THSD7B: variants seen among roughly 807,000 people sequenced by gnomAD.
THSD7B encodes thrombospondin type 1 domain containing 7B.
Under a neutral mutation model 213.6 loss-of-function variants are expected in THSD7B, and 138 were observed. The observed-to-expected ratio is 0.65, with a 90% CI of 0.56 to 0.74. The LOEUF is 0.74. Among genes scored for constraint, THSD7B ranks in the 30% least tolerant of loss-of-function variants. THSD7B has a pLI of 0.00. For synonymous variants in THSD7B, 742 were observed against 687.0 expected (o/e 1.08, Z -1.25); for missense variants, 1,931 against 1,991.5 (o/e 0.97, Z 0.58).
At chr2:136,840,507 G>A (rs371085781) in intron 1 of THSD7B, among the ~76,000 whole-genome samples, 104 of 152,296 alleles carry the variant, frequency 6.8e-4, no homozygotes, top group African/African-American at 2.5e-3. Flanking sequence ...CAGAAGAGGA[G>A]CAGCACAAGC....
At chr2:137,087,208 T>A (rs1413315126) in intron 3 of THSD7B, among the ~76,000 whole-genome samples, 10 of 152,182 alleles carry the variant, frequency 6.6e-5, no homozygotes, top group Admixed American at 6.5e-4. Flanking sequence ...CAATAGTATG[T>A]GCTATCTGTA....
intron 15 of THSD7B, among the ~76,000 whole-genome samples, chr2:137,482,366 C>G (rs1227578881): frequency 1.3e-5 from 2 of 152,176 alleles, no homozygotes; most frequent in East Asian, 3.9e-4. Flanking sequence ...TTTCTGGAAA[C>G]ACAGGATTAA....
rs1025083384 is a variant in THSD7B at position 137,581,779 on chromosome 2, A to T, written c.3423+9223A>T. On this transcript the variant is annotated intron_variant, in intron 17 of 27. Coordinates refer to ENST00000409968, the MANE Select transcript of THSD7B (RefSeq NM_001316349.2). ...CGTCTCAAAAAAAAAAATAAAAAAAAAAAAAATAATAATAAATAATAATAA... is the reference window on the plus strand; with the variant it reads ...CGTCTCAAAAAAAAAAATAAAAAAATAAAAAATAATAATAAATAATAATAA... Among the ~76,000 whole-genome samples, 231 of 148,306 alleles carry T rather than the reference A, an allele frequency of 1.6e-3. 1 individual carries two copies. The highest frequency in any genetic ancestry group is 5.1e-3 in the African/African-American group (203 of 40,094).
chr2:137,183,906 A>G (rs951372133), intron 7 of THSD7B, among the ~76,000 whole-genome samples: 1 of 152,196 alleles, frequency 6.6e-6, no homozygotes. Context: ...TCATACAATA[A>G]GGATGAAAAA....
At chr2:136,830,945 C>G (rs1181970575) in intron 1 of THSD7B, among the ~76,000 whole-genome samples, 1 of 152,114 alleles carries the variant, frequency 6.6e-6, no homozygotes, top group Non-Finnish European at 1.5e-5. Context: ...GAAAAGGAAG[C>G]AGTCATACTG....
intron 2 of THSD7B, among the ~76,000 whole-genome samples, chr2:137,042,398 C>T (rs1347394012): frequency 4.6e-4 from 70 of 152,188 alleles, no homozygotes; most frequent in Admixed American, 4.6e-3. Context: ...ATTTCTCTCT[C>T]TCTCTTTTTT....
At chr2:137,470,255 C>T (rs1278701652) in intron 15 of THSD7B, among the ~76,000 whole-genome samples, 1 of 152,192 alleles carries the variant, frequency 6.6e-6, no homozygotes, top group Non-Finnish European at 1.5e-5. Flanking sequence ...TTAATTACAA[C>T]AATTTTCACC....
At chr2:137,406,701 C>T (rs1686527474) in intron 13 of THSD7B, among the ~76,000 whole-genome samples, 1 of 152,198 alleles carries the variant, frequency 6.6e-6, no homozygotes, top group Non-Finnish European at 1.5e-5. Flanking sequence ...TTTAAGTAAT[C>T]TGCTAGAGGC....
At chr2:137,411,029 AC>A (rs1417242153) in intron 13 of THSD7B, among the ~76,000 whole-genome samples, 1 of 152,244 alleles carries the variant, frequency 6.6e-6, no homozygotes, top group Admixed American at 6.5e-5. Flanking sequence ...ATTTCAGAAT[AC>A]TTAAGTTAGA....
intron 15 of THSD7B, among the ~76,000 whole-genome samples, chr2:137,453,373 A>G (rs1429283578): frequency 9.0e-5 from 10 of 111,662 alleles, no homozygotes; most frequent in African/African-American, 3.2e-4. Context: ...TCTGTCTCCC[A>G]GGCCGGAGTG....
At chr2:136,834,382 G>T (rs778191) in intron 1 of THSD7B, among the ~76,000 whole-genome samples, 122,826 of 152,122 alleles carry the variant, frequency 0.81, 50,147 homozygotes, top group Non-Finnish European at 0.86. Flanking sequence ...TGCTGTAATA[G>T]AAAATTAGTG....
At position 137,435,867 on chromosome 2, in the gene THSD7B, G is replaced by A. The variant is rs150722837; in HGVS notation, c.2960-14978G>A. Among the ~76,000 whole-genome samples, 649 of 152,224 alleles carry A rather than the reference G, an allele frequency of 4.3e-3. 6 individuals are homozygous for A. Among genetic ancestry groups the A allele is most frequent in the African/African-American group, 0.015 (610 of 41,552 alleles). ...GATTCTGTTGTTCAGGTGACTCTGT[G>A]TCTTTGGGTCTCCGGATTCAGCCTA... On this transcript the variant is annotated intron_variant, in intron 14 of 27. Coordinates refer to ENST00000409968, the MANE Select transcript of THSD7B (RefSeq NM_001316349.2).
Position 137,238,534 on chromosome 2 carries a change from CTTTTT to C in THSD7B, c.2151-3897_2151-3893del, listed in dbSNP as rs869146863. On this transcript the variant is annotated intron_variant, in intron 9 of 27. Transcript: ENST00000409968. ...TATCCTGATAATGACACTCATCTTT[CTTTTT>C]TTTTTTTTTTTTTTTTTTTTTTTTT... Among the ~76,000 whole-genome samples the C allele has an allele frequency of 9.6e-5, 5 of 51,874 alleles. No homozygotes were observed. The East Asian group carries it at 2.0e-3, about 21-fold the overall frequency. 34.0% of individuals were successfully genotyped at this position (51,874 alleles called of 152,430 possible).
intron 2 of THSD7B, among the ~76,000 whole-genome samples, chr2:136,928,065 G>A (rs779925113): frequency 6.6e-6 from 1 of 152,064 alleles, no homozygotes; most frequent in Non-Finnish European, 1.5e-5. Context: ...GATGCTCCTT[G>A]ACTTACAATG....
intron 12 of THSD7B, among the ~76,000 whole-genome samples, chr2:137,309,011 A>G (rs1015412833): frequency 2.6e-5 from 4 of 152,132 alleles, no homozygotes; most frequent in Admixed American, 6.5e-5. Flanking sequence ...ACCTACTTCT[A>G]TAAGTGGAAT....
chr2:137,414,028 G>A (rs942968484), intron 14 of THSD7B, among the ~76,000 whole-genome samples: 8 of 152,226 alleles, frequency 5.3e-5, no homozygotes, highest in East Asian at 1.9e-4. Flanking sequence ...TCATTCATCC[G>A]TAATTTTGCA....
intron 2 of THSD7B, among the ~76,000 whole-genome samples, chr2:136,972,997 G>A (rs1160018136): frequency 1.3e-5 from 2 of 152,124 alleles, no homozygotes; most frequent in Admixed American, 6.6e-5. Flanking sequence ...CATTTGGTAT[G>A]TCTGTGGTGT....
chr2:137,400,421 G>A (rs112722220), intron 12 of THSD7B, among the ~76,000 whole-genome samples: 112 of 152,222 alleles, frequency 7.4e-4, no homozygotes, highest in African/African-American at 2.6e-3. Context: ...ATATGGCTAT[G>A]ATGGTTGGGT....
chr2:136,771,001 C>G (rs998613893), intron 1 of THSD7B, among the ~76,000 whole-genome samples: 1 of 152,088 alleles, frequency 6.6e-6, no homozygotes, highest in African/African-American at 2.4e-5. Context: ...ATTTCTCACC[C>G]AGGTCATCTG....
Sources: gnomAD v4.1 joint callset for allele counts (sites outside exome capture counted in the v4.1 genomes callset) on GRCh38, gnomAD v4.1.1 for gene constraint, MANE v1.5 for transcripts, NCBI Gene and HGNC (gene_info 2026-07-23, HGNC 2026-07-21) for gene names.